MAX: variants seen among roughly 807,000 people sequenced by gnomAD.
MAX encodes the protein MYC associated transcriptional regulator X, also known as protein max.
In MAX, 3 loss-of-function variants were observed where a neutral mutation model predicts 22.3. That is an observed-to-expected ratio of 0.13 (90% confidence interval 0.06 to 0.35). The LOEUF is 0.35. Ranked by LOEUF, MAX falls within the 10% of genes least tolerant of loss-of-function variation. The pLI is 1.00. For synonymous variants in MAX, 72 were observed against 77.7 expected (o/e 0.93, Z 0.39); for missense variants, 119 against 209.4 (o/e 0.57, Z 2.66).
intron 3 of MAX, among the ~76,000 whole-genome samples, chr14:65,036,794 T>C (rs1595067717): frequency 6.6e-6 from 1 of 151,954 alleles, no homozygotes; most frequent in East Asian, 1.9e-4. Context: ...CCTGCCACCA[T>C]GCCTGACTAA....
At chr14:65,038,893 T>C (rs1428790507) in intron 3 of MAX, among the ~76,000 whole-genome samples, 1 of 152,236 alleles carries the variant, frequency 6.6e-6, no homozygotes, top group Non-Finnish European at 1.5e-5. Flanking sequence ...CCTGACTACT[T>C]TTTTATCTAC....
At chr14:65,045,848 A>T (rs2062465223) in intron 3 of MAX, among the ~76,000 whole-genome samples, 1 of 152,206 alleles carries the variant, frequency 6.6e-6, no homozygotes, top group African/African-American at 2.4e-5. Flanking sequence ...AGGTGTCAGT[A>T]TTAAGGCATA....
chr14:65,063,250 C>T (rs188844490), intron 3 of MAX, among the ~76,000 whole-genome samples: 8 of 152,350 alleles, frequency 5.3e-5, no homozygotes, highest in Non-Finnish European at 1.2e-4. Context: ...AAGGTTTGCA[C>T]TGCAAGGCAA....
At chr14:65,059,169 C>T (rs1343034207) in intron 3 of MAX, among the ~76,000 whole-genome samples, 1 of 152,114 alleles carries the variant, frequency 6.6e-6, no homozygotes, top group African/African-American at 2.4e-5. Context: ...ACTACAGGTG[C>T]ACACCACCAG....
intron 3 of MAX, chr14:65,022,171 C>G (rs1314562819): frequency 1.9e-5 from 8 of 424,828 alleles, no homozygotes; most frequent in African/African-American, 4.0e-5. Flanking sequence ...TTAGTTAGTA[C>G]GAGAACAAGC....
chr14:65,020,894 G>A (rs929595824), intron 3 of MAX, among the ~76,000 whole-genome samples: 4 of 151,626 alleles, frequency 2.6e-5, no homozygotes, highest in Non-Finnish European at 4.4e-5. Flanking sequence ...ACCACGCCCA[G>A]CTAATTTTTG....
At chr14:65,041,339 G>A (rs1050304009) in intron 3 of MAX, among the ~76,000 whole-genome samples, 7 of 152,192 alleles carry the variant, frequency 4.6e-5, no homozygotes, top group African/African-American at 1.4e-4. Context: ...TAAATGAGTT[G>A]TTTAGGCAGA....
At chr14:65,101,726 C>G (rs1178733858) in intron 1 of MAX, 154 bp from the exon 2 acceptor site, 2 of 661,056 alleles carry the variant, frequency 3.0e-6, no homozygotes, top group East Asian at 2.7e-5. Context: ...TTGCCCCCAC[C>G]CTTCCACCCT....
At chr14:65,033,163 G>C (rs2062118639) in intron 3 of MAX, among the ~76,000 whole-genome samples, 1 of 152,178 alleles carries the variant, frequency 6.6e-6, no homozygotes, top group Non-Finnish European at 1.5e-5. Context: ...TAATGTAGCA[G>C]TGAAAATGAA....
At chr14:65,049,690 A>G (rs2139662843) in intron 3 of MAX, among the ~76,000 whole-genome samples, 1 of 152,296 alleles carries the variant, frequency 6.6e-6, no homozygotes, top group East Asian at 1.9e-4. Context: ...TTTACCTTAT[A>G]ATAATAGTCT....
At position 65,093,841 on chromosome 14, in the gene MAX, T is replaced by C; in HGVS notation, c.64-26A>G. ...CTAGAAGAATGGGAGAAAGAACACATTAGGAATGTCACTCCTTTTGCTTGG... is the reference window on the plus strand; with the variant it reads ...CTAGAAGAATGGGAGAAAGAACACACTAGGAATGTCACTCCTTTTGCTTGG... On this transcript the variant is annotated intron_variant, in intron 2 of 4. Coordinates refer to ENST00000358664, the MANE Select transcript of MAX (RefSeq NM_002382.5). This position sits in a 1 kb window ranked among gnomAD's most constrained non-coding sequence, Gnocchi z 4.4. 1 of 1,287,432 alleles carries C rather than the reference T, an allele frequency of 7.8e-7. No homozygotes were observed. Among genetic ancestry groups the C allele is most frequent in the Non-Finnish European group, 1.1e-6 (1 of 881,562 alleles). 79.8% of individuals were successfully genotyped at this position (1,287,432 alleles called of 1,614,324 possible).
rs777798935 is a variant in MAX, at chr14:65,027,407, A to C, written c.172-21123T>G. 4 of 1,606,730 alleles carry C rather than the reference A, an allele frequency of 2.5e-6. No homozygotes were observed. The highest frequency in any genetic ancestry group is 2.6e-6 in the Non-Finnish European group (3 of 1,175,942). On this transcript the variant is annotated intron_variant, in intron 3 of 3. Coordinates refer to the MAX transcript ENST00000341653. This position sits in a 1 kb window ranked among gnomAD's most constrained non-coding sequence, Gnocchi z 5.7. ...TCTAGTGGGAATTTGGTGTTTTGAC[A>C]TGAATGCTCTCTGACTTTGTTTTTG... is the stretch of plus-strand genomic sequence containing the variant.
At chr14:65,048,308 G>C (rs776872457) in intron 3 of MAX, among the ~76,000 whole-genome samples, 5 of 148,528 alleles carry the variant, frequency 3.4e-5, no homozygotes, top group Non-Finnish European at 5.9e-5. Context: ...CTATCCTTCT[G>C]TATTATACTG....
At position 65,084,068 on chromosome 14, in the gene MAX, G is replaced by A. The variant is rs2063262623; in HGVS notation, c.172-6032C>T. The stretch of plus-strand genomic sequence containing the variant: ...GCTTCCTGCTGCCAGGGCCTCCCCA[G>A]CCACAGGACCATTTTGCTGATTACC... On this transcript the variant is annotated intron_variant, in intron 3 of 4. Transcript: ENST00000358664. The surrounding 1 kb of genome is among the most constrained non-coding windows in gnomAD (Gnocchi z 4.3). 3 of 1,596,356 alleles carry A rather than the reference G, an allele frequency of 1.9e-6. No homozygotes were observed. The highest frequency in any genetic ancestry group is 2.6e-6 in the Non-Finnish European group (3 of 1,168,684).
intron 3 of MAX, chr14:65,090,272 C>T (rs1161814727): frequency 6.6e-6 from 1 of 152,092 alleles, no homozygotes; most frequent in Non-Finnish European, 1.5e-5. Flanking sequence ...ACTGCTTACA[C>T]ATATGGTATA....
At position 65,084,197 on chromosome 14, in the gene MAX, T is replaced by C. The variant is rs751850934; in HGVS notation, c.172-6161A>G. On this transcript the variant is annotated intron_variant, in intron 3 of 4. Transcript: ENST00000358664. This position sits in a 1 kb window ranked among gnomAD's most constrained non-coding sequence, Gnocchi z 4.3. ...ATCATTTTTTAAATCTTGCATTCTT[T>C]TTTCTTGTGCACTTGGTAGCTTGAA... 1.1e-5 allele frequency: 18 copies of C among 1,613,960 alleles called. No individual in the cohort carries two copies. The highest frequency in any genetic ancestry group is 1.5e-5 in the Non-Finnish European group (18 of 1,179,952).
chr14:65,070,875 G>A (rs2062980929), downstream of MAX, among the ~76,000 whole-genome samples: 1 of 152,228 alleles, frequency 6.6e-6, no homozygotes, highest in African/African-American at 2.4e-5. The surrounding 1 kb of genome is among the most constrained non-coding windows in gnomAD (Gnocchi z 4.4). Context: ...CTGCAGAAAT[G>A]CAAACTGAAA....
rs2063850593 is a variant in MAX at position 65,101,803 on chromosome 14, G to A, written c.37-231C>T. The A allele has an allele frequency of 6.8e-6, 4 of 587,858 alleles. No homozygotes were observed. In the South Asian group the frequency reaches 8.3e-5, roughly 12 times the overall value. 36.4% of individuals were successfully genotyped at this position (587,858 alleles called of 1,614,324 possible). On this transcript the variant is annotated intron_variant, in intron 1 of 4. Coordinates refer to ENST00000358664, the MANE Select transcript of MAX (RefSeq NM_002382.5). ...CCCCTCCTTCCGGGATCCGACCTGG[G>A]CCAGAGGGGTCCCGAGCACTGTCTC...
chr14:65,072,026 C>T (rs569073920), downstream of MAX, among the ~76,000 whole-genome samples: 3 of 152,354 alleles, frequency 2.0e-5, no homozygotes, highest in East Asian at 1.9e-4. Context: ...ATTCTCTATT[C>T]GCTATCTAGC....
Sources: gnomAD v4.1 joint callset for allele counts (sites outside exome capture counted in the v4.1 genomes callset) on GRCh38, gnomAD v4.1.1 for gene constraint, Gnocchi (gnomAD v3.1) non-coding constraint, MANE v1.5 for transcripts, NCBI Gene and HGNC (gene_info 2026-07-23, HGNC 2026-07-21) for gene names.